Variants in LDB2 observed in about 807,000 individuals in gnomAD.
The protein encoded by LDB2 is LIM domain-binding protein 2.
LDB2 carries 12 observed loss-of-function variants against 44.3 expected under a neutral mutation model. The observed-to-expected ratio is 0.27, with a 90% CI of 0.17 to 0.44. The LOEUF (loss-of-function observed/expected upper bound fraction) is 0.44. Ranked by LOEUF, LDB2 falls within the 20% of genes least tolerant of loss-of-function variation. LDB2 has a pLI of 1.00. For missense variants in LDB2, 344 were observed against 473.5 expected (o/e 0.73, Z 2.54); for synonymous variants, 164 against 174.8 (o/e 0.94, Z 0.49).
intron 5 of LDB2, among the ~76,000 whole-genome samples, chr4:16,560,297 A>T (rs927968627): frequency 2.6e-5 from 4 of 152,196 alleles, no homozygotes; most frequent in Non-Finnish European, 4.4e-5. Context: ...TGAAAGGATC[A>T]ACAAAATGGA....
intron 2 of LDB2, among the ~76,000 whole-genome samples, chr4:16,728,748 G>A (rs750882104): frequency 5.2e-4 from 79 of 152,284 alleles, no homozygotes; most frequent in Admixed American, 9.2e-4. Flanking sequence ...ATCATATCAC[G>A]TATATCTTTC....
At chr4:16,559,379 GC>G (rs1315061173) in intron 5 of LDB2, among the ~76,000 whole-genome samples, 1 of 151,968 alleles carries the variant, frequency 6.6e-6, no homozygotes, top group Non-Finnish European at 1.5e-5. Flanking sequence ...GATCTACCAA[GC>G]CAATGGAAAA....
At chr4:16,768,628 T>C (rs1769897497) in intron 1 of LDB2, among the ~76,000 whole-genome samples, 1 of 152,194 alleles carries the variant, frequency 6.6e-6, no homozygotes, top group Non-Finnish European at 1.5e-5. Context: ...GCTCAGGTCA[T>C]TTGTTTTCCA....
At chr4:16,870,192 A>C (rs956290463) in intron 1 of LDB2, among the ~76,000 whole-genome samples, 1 of 152,208 alleles carries the variant, frequency 6.6e-6, no homozygotes, top group African/African-American at 2.4e-5. Context: ...CCATAACCAT[A>C]TCAATAGGAG....
chr4:16,874,371 TC>T (rs1476620911), intron 1 of LDB2, among the ~76,000 whole-genome samples: 3 of 152,216 alleles, frequency 2.0e-5, no homozygotes, highest in Non-Finnish European at 1.5e-5. Context: ...GCACATTTTT[TC>T]CAATATCAAT....
In LDB2 at chr4:16,587,221, A is replaced by G. The variant is rs561301609; in HGVS notation, c.532-1216T>C. Among the ~76,000 whole-genome samples, 7 of 152,344 alleles carry G rather than the reference A, an allele frequency of 4.6e-5. No individual in the cohort carries two copies. The East Asian group carries it at 9.7e-4, about 21-fold the overall frequency. Reference sequence around the variant, plus strand: ...GCTGCTGTGGCTACCGGTGATGATGATGAGAGCCAATCGCCAAAACCTGTA... The same window carrying G: ...GCTGCTGTGGCTACCGGTGATGATGGTGAGAGCCAATCGCCAAAACCTGTA... On this transcript the variant is annotated intron_variant, in intron 4 of 7. Transcript: ENST00000304523.
chr4:16,576,136 C>T (rs116914900), intron 5 of LDB2, among the ~76,000 whole-genome samples: 3 of 152,168 alleles, frequency 2.0e-5, no homozygotes, highest in East Asian at 1.9e-4. Flanking sequence ...CCCACATCAA[C>T]GAAGAACAAC....
At chr4:16,532,335 G>A (rs906426532) in intron 5 of LDB2, among the ~76,000 whole-genome samples, 1 of 152,130 alleles carries the variant, frequency 6.6e-6, no homozygotes, top group Non-Finnish European at 1.5e-5. Flanking sequence ...AGACTGAATT[G>A]TAGGAAGTCT....
intron 1 of LDB2, among the ~76,000 whole-genome samples, chr4:16,801,771 G>A (rs1156297929): frequency 6.6e-6 from 1 of 152,096 alleles, no homozygotes; most frequent in African/African-American, 2.4e-5. Context: ...TTATTTAAAA[G>A]GAAGAAAGAA....
chr4:16,688,888 T>A (rs2152579961), intron 2 of LDB2, among the ~76,000 whole-genome samples: 1 of 152,384 alleles, frequency 6.6e-6, no homozygotes, highest in South Asian at 2.1e-4. Flanking sequence ...AAATGAATAT[T>A]AGTTTTATAG....
At chr4:16,732,511 A>G (rs10939688) in intron 2 of LDB2, among the ~76,000 whole-genome samples, 4,513 of 152,260 alleles carry the variant, frequency 0.03, 106 homozygotes, top group African/African-American at 0.066. Context: ...CTGTTTTTCT[A>G]CTAATTCAAT....
chr4:16,743,245 G>A (rs1007611286), intron 2 of LDB2, among the ~76,000 whole-genome samples: 2 of 152,158 alleles, frequency 1.3e-5, no homozygotes, highest in African/African-American at 2.4e-5. Flanking sequence ...AGCCGGGATC[G>A]CACCACTGCA....
At chr4:16,502,982 T>C in intron 7 of LDB2, 109 bp from the exon 8 acceptor site, 1 of 1,602,212 alleles carries the variant, frequency 6.2e-7, no homozygotes, top group South Asian at 1.1e-5. Context: ...ACTCGTGTAC[T>C]GTACAACGGG....
chr4:16,610,895 C>T (rs1725423653), intron 2 of LDB2, among the ~76,000 whole-genome samples: 1 of 152,112 alleles, frequency 6.6e-6, no homozygotes, highest in African/African-American at 2.4e-5. Context: ...AGAAGATCAA[C>T]CCCAAGACAC....
chr4:16,787,458 C>T (rs531341215), intron 1 of LDB2, among the ~76,000 whole-genome samples: 26 of 151,974 alleles, frequency 1.7e-4, no homozygotes, highest in Non-Finnish European at 3.5e-4. Context: ...ACTAAAAATA[C>T]AAAAAATTCG....
At chr4:16,762,008 A>C (rs1768033324) in intron 1 of LDB2, among the ~76,000 whole-genome samples, 2 of 152,138 alleles carry the variant, frequency 1.3e-5, no homozygotes, top group Admixed American at 1.3e-4. Context: ...GTGGAATAGA[A>C]AATAGAAAAC....
At chr4:16,741,411 T>A (rs1186300897) in intron 2 of LDB2, 1 of 152,248 alleles carries the variant, frequency 6.6e-6, no homozygotes, top group African/African-American at 2.4e-5. Context: ...TATAAACAGA[T>A]GACCACGCGC....
chr4:16,729,332 T>C (rs973122309), intron 2 of LDB2, among the ~76,000 whole-genome samples: 2 of 152,260 alleles, frequency 1.3e-5, no homozygotes. Context: ...GGCTACACTA[T>C]TTAAGGGTAA....
intron 2 of LDB2, among the ~76,000 whole-genome samples, chr4:16,724,453 T>C (rs1398758719): frequency 1.3e-5 from 2 of 151,820 alleles, no homozygotes; most frequent in Non-Finnish European, 2.9e-5. Flanking sequence ...TCCTGTCTCG[T>C]TCACCTGTGC....
Sources: gnomAD v4.1 joint callset for allele counts (sites outside exome capture counted in the v4.1 genomes callset) on GRCh38, gnomAD v4.1.1 for gene constraint, MANE v1.5 for transcripts, NCBI Gene and HGNC (gene_info 2026-07-23, HGNC 2026-07-21) for gene names.